The following SH3KBP1 variants were observed in gnomAD, a reference collection of about 807,000 sequenced individuals.
SH3KBP1 encodes SH3 domain-containing kinase-binding protein 1.
In SH3KBP1, 8 loss-of-function variants were observed where a neutral mutation model predicts 50.1. The ratio of observed to expected loss-of-function variants is 0.16; its 90% CI spans 0.09 to 0.29. The LOEUF (loss-of-function observed/expected upper bound fraction) is 0.29, where lower values mean the gene tolerates loss of function less well. Ranked by LOEUF, SH3KBP1 falls within the 10% of genes least tolerant of loss-of-function variation. The pLI is 1.00. For synonymous variants in SH3KBP1, 227 were observed against 218.6 expected (o/e 1.04, Z -0.34); for missense variants, 377 against 535.2 (o/e 0.70, Z 2.92).
At chrX:19,839,603 G>A (rs951682415) in intron 1 of SH3KBP1, among the ~76,000 whole-genome samples, 34 of 112,446 alleles carry the variant, frequency 3.0e-4, no homozygotes, top group African/African-American at 7.4e-4. Flanking sequence ...GATTACAGGC[G>A]TGAGCGACCA....
intron 1 of SH3KBP1, among the ~76,000 whole-genome samples, chrX:19,861,412 T>TA (rs374607436): frequency 5.5e-5 from 6 of 109,371 alleles, no homozygotes; most frequent in Admixed American, 2.9e-4. Flanking sequence ...AAATAAATAA[T>TA]AAAAAAAATA....
At chrX:19,548,880 G>A (rs768846030) in intron 14 of SH3KBP1, among the ~76,000 whole-genome samples, 1 of 111,072 alleles carries the variant, frequency 9.0e-6, no homozygotes, top group South Asian at 3.8e-4. Context: ...ACTTGTGGAA[G>A]GTGAGCTTGG....
intron 3 of SH3KBP1, among the ~76,000 whole-genome samples, chrX:19,722,608 G>C (rs2064100325): frequency 9.3e-6 from 1 of 107,148 alleles, no homozygotes; most frequent in African/African-American, 3.5e-5. Context: ...GTGTGTGTGT[G>C]TGTGTGTCCG....
chrX:19,556,493 C>T (rs182171337), intron 13 of SH3KBP1, among the ~76,000 whole-genome samples: 61 of 110,997 alleles, frequency 5.5e-4, no homozygotes, highest in African/African-American at 1.9e-3. Context: ...CAAATGAGCA[C>T]CTGTGTTAGC....
At chrX:19,541,857 C>T in intron 16 of SH3KBP1, 68 bp downstream of exon 16, 1 of 1,131,559 alleles carries the variant, frequency 8.8e-7, no homozygotes, top group African/African-American at 1.8e-5. Context: ...TCCATGCTTT[C>T]AGAACTAGGT....
intron 1 of SH3KBP1, among the ~76,000 whole-genome samples, chrX:19,879,694 T>C (rs954870022): frequency 8.9e-6 from 1 of 112,692 alleles, no homozygotes; most frequent in African/African-American, 3.2e-5. Context: ...ACACTCTCCA[T>C]TCAAAGAACA....
chrX:19,608,955 A>C (rs1256922625), intron 8 of SH3KBP1, among the ~76,000 whole-genome samples: 1 of 112,514 alleles, frequency 8.9e-6, no homozygotes, highest in African/African-American at 3.2e-5. Context: ...TTCCAGAGTG[A>C]ACTTGCTTCC....
chrX:19,597,214 T>C (rs181860660), intron 9 of SH3KBP1, among the ~76,000 whole-genome samples: 131 of 112,340 alleles, frequency 1.2e-3, no homozygotes, highest in African/African-American at 4.0e-3. Context: ...ATTCATCTTC[T>C]TATACATCTC....
At chrX:19,787,466 G>A (rs1000310222) in intron 2 of SH3KBP1, among the ~76,000 whole-genome samples, 27 of 111,907 alleles carry the variant, frequency 2.4e-4, no homozygotes, top group African/African-American at 8.8e-4. Flanking sequence ...GTGAATTGTT[G>A]TAAAATCATA....
intron 13 of SH3KBP1, among the ~76,000 whole-genome samples, chrX:19,558,559 A>G (rs984656021): frequency 8.9e-6 from 1 of 111,988 alleles, no homozygotes; most frequent in Non-Finnish European, 1.9e-5. Context: ...GAAATTTTAC[A>G]TCCTTCCTTT....
intron 12 of SH3KBP1, among the ~76,000 whole-genome samples, chrX:19,582,524 G>A (rs890116863): frequency 3.6e-5 from 4 of 111,859 alleles, no homozygotes; most frequent in African/African-American, 1.3e-4. Flanking sequence ...CACAACCATT[G>A]CGAATGTTTT....
At chrX:19,670,783 A>G in intron 6 of SH3KBP1, 11 of 1,026,581 alleles carry the variant, frequency 1.1e-5, no homozygotes, top group Non-Finnish European at 1.4e-5. Context: ...GTCTTGCTAC[A>G]AAATGTTATA....
intron 9 of SH3KBP1, among the ~76,000 whole-genome samples, chrX:19,602,710 T>A (rs1162246267): frequency 8.9e-6 from 1 of 112,135 alleles, no homozygotes; most frequent in Non-Finnish European, 1.9e-5. Context: ...TCAAACAAGA[T>A]GTCTTTTAAG....
At chrX:19,690,053 T>C (rs1431614169) in intron 5 of SH3KBP1, among the ~76,000 whole-genome samples, 4 of 100,707 alleles carry the variant, frequency 4.0e-5, no homozygotes, top group Non-Finnish European at 5.9e-5. Context: ...TCTCTCTCTC[T>C]CTCTCTCTTT....
At chrX:19,705,296 G>A (rs955318883) in intron 4 of SH3KBP1, among the ~76,000 whole-genome samples, 1 of 111,317 alleles carries the variant, frequency 9.0e-6, no homozygotes, top group African/African-American at 3.3e-5. Context: ...ATAATTTATT[G>A]CAAATGTTTT....
chrX:19,726,394 G>A (rs2064222356), intron 3 of SH3KBP1, among the ~76,000 whole-genome samples: 1 of 111,618 alleles, frequency 9.0e-6, no homozygotes, highest in Non-Finnish European at 1.9e-5. Context: ...ACTTCTCAGG[G>A]TTGTTTAAAG....
At chrX:19,745,540 A>G (rs140368881) in intron 3 of SH3KBP1, among the ~76,000 whole-genome samples, 1,275 of 111,528 alleles carry the variant, frequency 0.011, 18 homozygotes, top group African/African-American at 0.038. Context: ...ACAGCTCTCT[A>G]TTTCTCTTTA....
chrX:19,722,487 G>A (rs116370147), intron 3 of SH3KBP1, among the ~76,000 whole-genome samples: 1,248 of 110,423 alleles, frequency 0.011, 25 homozygotes, highest in African/African-American at 0.038. Flanking sequence ...GTACCCACAC[G>A]GCTTCATACA....
At position 19,541,118 on chromosome X, in the gene SH3KBP1, T is replaced by C. The variant is rs185408321; in HGVS notation, c.1892+807A>G. On this transcript the variant is annotated intron_variant, in intron 16 of 17. Transcript: ENST00000397821. ...TTTTAGTAGAGACAGGGTTTCGCCA[T>C]GTTGGCCAGGCTAGTCTCAAACTCC... Among the ~76,000 whole-genome samples, 15 of 111,708 alleles carry C rather than the reference T, an allele frequency of 1.3e-4. No individual in the cohort carries two copies. The East Asian group carries it at 3.1e-3, about 23-fold the overall frequency.
Sources: gnomAD v4.1 joint callset for allele counts (sites outside exome capture counted in the v4.1 genomes callset) on GRCh38, gnomAD v4.1.1 for gene constraint, MANE v1.5 for transcripts, NCBI Gene and HGNC (gene_info 2026-07-23, HGNC 2026-07-21) for gene names.